The following DOCK4 variants were observed in gnomAD, a reference collection of about 807,000 sequenced individuals.
DOCK4 encodes dedicator of cytokinesis protein 4.
A neutral mutation model predicts 268.1 loss-of-function variants in DOCK4; 97 were observed. The observed-to-expected ratio is 0.36, with a 90% CI of 0.31 to 0.43. The LOEUF (loss-of-function observed/expected upper bound fraction) is 0.43. Among genes scored for constraint, DOCK4 ranks in the 20% least tolerant of loss-of-function variants. The pLI is 1.00. For synonymous variants in DOCK4, 954 were observed against 887.2 expected, an observed-to-expected ratio of 1.08 and a Z score of -1.34; for missense variants, 2,145 against 2,455.7, an observed-to-expected ratio of 0.87 and a Z score of 2.67.
At position 111,871,976 on chromosome 7, in the gene DOCK4, A is replaced by C. The variant is rs10224326; in HGVS notation, c.2027+14T>G. 1 of 1,533,638 alleles carries C rather than the reference A, an allele frequency of 6.5e-7. No homozygotes were observed. Reference sequence around the variant, plus strand: ...GAACCACTTCTAAACTAATTACAAGATACAGGGCCTTACCTGTATGCAAGT... The same window carrying C: ...GAACCACTTCTAAACTAATTACAAGCTACAGGGCCTTACCTGTATGCAAGT... On this transcript the variant is annotated intron_variant, in intron 20 of 52. Transcript: ENST00000428084.
At chr7:111,881,853 C>T (rs1807418806) in intron 16 of DOCK4, among the ~76,000 whole-genome samples, 1 of 152,112 alleles carries the variant, frequency 6.6e-6, no homozygotes, top group African/African-American at 2.4e-5. Flanking sequence ...CATGTTCTCA[C>T]TTTTTTTGTG....
chr7:111,816,091 A>AT (rs1801531901), intron 27 of DOCK4, among the ~76,000 whole-genome samples: 1 of 152,104 alleles, frequency 6.6e-6, no homozygotes, highest in South Asian at 2.1e-4. Flanking sequence ...TCCAGTTGCC[A>AT]CCTCATTTTG....
At chr7:111,833,741 AC>A (rs1306844199) in intron 26 of DOCK4, among the ~76,000 whole-genome samples, 4 of 152,046 alleles carry the variant, frequency 2.6e-5, no homozygotes, top group Admixed American at 2.0e-4. Context: ...AAGATAAGTG[AC>A]CCCTATGTAC....
chr7:112,052,238 T>C (rs901615308), intron 1 of DOCK4, among the ~76,000 whole-genome samples: 12 of 152,220 alleles, frequency 7.9e-5, no homozygotes, highest in Non-Finnish European at 1.3e-4. Flanking sequence ...ATTGAATCCA[T>C]GAATGTGGAA....
Position 111,727,996 on chromosome 7 carries a change from A to AG in DOCK4, c.*277dup. 1 of 348,838 alleles carries AG rather than the reference A, an allele frequency of 2.9e-6. No individual in the cohort carries two copies. Among genetic ancestry groups the AG allele is most frequent in the Non-Finnish European group, 5.1e-6 (1 of 195,916 alleles). The allele number at this position is 348,838 out of a possible 1,614,324, so 21.6% of individuals were successfully genotyped here. A position where few individuals can be genotyped will look rare whatever the true frequency, so the allele number is the denominator to read the frequency against. On this transcript the variant is annotated 3_prime_UTR_variant, in exon 53 of 53. Coordinates refer to ENST00000428084, the MANE Select transcript of DOCK4 (RefSeq NM_001363540.2). ...TTTAAGATTAAACTATATAAAAAAAAGTGAACATAAAAAGGTACAAAAGGA... is the reference window on the plus strand; with the variant it reads ...TTTAAGATTAAACTATATAAAAAAAAGGTGAACATAAAAAGGTACAAAAGGA...
At chr7:111,993,117 G>GT (rs1002569676) in intron 5 of DOCK4, among the ~76,000 whole-genome samples, 1 of 152,080 alleles carries the variant, frequency 6.6e-6, no homozygotes, top group Non-Finnish European at 1.5e-5. Context: ...ACATCAAAGG[G>GT]TTTTCACTAG....
At chr7:111,743,281 T>C (rs77340685) in intron 44 of DOCK4, among the ~76,000 whole-genome samples, 7,311 of 152,090 alleles carry the variant, frequency 0.048, 225 homozygotes, top group African/African-American at 0.066. Context: ...CACCACAAGG[T>C]TTTGTTGTTA....
intron 15 of DOCK4, among the ~76,000 whole-genome samples, chr7:111,899,498 A>G (rs1790950815): frequency 6.6e-6 from 1 of 152,128 alleles, no homozygotes; most frequent in Admixed American, 6.6e-5. Context: ...TGGGGGAGAG[A>G]GATGGGGCTT....
In DOCK4 at chr7:111,736,931, G is replaced by C. The variant is rs1795537652; in HGVS notation, c.5291C>G (p.Ser1764Cys). 6.2e-7 allele frequency: 1 copy of C among 1,602,784 alleles called. No individual in the cohort carries two copies. The highest frequency in any genetic ancestry group is 8.5e-7 in the Non-Finnish European group (1 of 1,174,480). The change falls in exon 50 of 53, where the codon TCT becomes TGT. Residue 1764 changes from serine (S) to cysteine (C), a missense_variant. Transcript: ENST00000428084. ...GALPRSDPNLSAPEKAVNPTP... is the reference protein window; with the variant it reads ...GALPRSDPNLCAPEKAVNPTP... ...GCTGGCCTTACCTTTTTCAGGTGCA[G>C]AGAGATTTGGGTCACTGCGTGGCAA...
intron 23 of DOCK4, among the ~76,000 whole-genome samples, chr7:111,859,231 G>C (rs1057138451): frequency 8.5e-5 from 13 of 152,120 alleles, no homozygotes; most frequent in Non-Finnish European, 1.9e-4. Flanking sequence ...CTTAATTTCA[G>C]CCCATTGAGA....
chr7:111,896,351 T>C (rs964970798), intron 15 of DOCK4, among the ~76,000 whole-genome samples: 1 of 152,198 alleles, frequency 6.6e-6, no homozygotes, highest in African/African-American at 2.4e-5. Context: ...GGTTTTCAGA[T>C]GCCTAATTAA....
chr7:111,990,250 C>A (rs1799416690), intron 5 of DOCK4, among the ~76,000 whole-genome samples: 1 of 152,180 alleles, frequency 6.6e-6, no homozygotes, highest in Admixed American at 6.5e-5. Context: ...TCTACAAATA[C>A]TGTTTCTTCC....
intron 16 of DOCK4, among the ~76,000 whole-genome samples, chr7:111,881,951 G>A (rs1807428307): frequency 6.6e-6 from 1 of 152,202 alleles, no homozygotes; most frequent in South Asian, 2.1e-4. Flanking sequence ...GGAGATGACA[G>A]GGAGGTGGGG....
chr7:112,065,925 G>GA (rs993347065), intron 1 of DOCK4, among the ~76,000 whole-genome samples: 2 of 152,036 alleles, frequency 1.3e-5, no homozygotes, highest in African/African-American at 4.8e-5. Flanking sequence ...AAACATAAGG[G>GA]AGGGCCATGG....
intron 1 of DOCK4, among the ~76,000 whole-genome samples, chr7:112,036,466 T>C (rs940145123): frequency 6.6e-6 from 1 of 152,098 alleles, no homozygotes; most frequent in African/African-American, 2.4e-5. Flanking sequence ...AAAGCACAAG[T>C]GTGTTAATCT....
chr7:111,821,349 G>A (rs1191256704), intron 27 of DOCK4: 1 of 152,240 alleles, frequency 6.6e-6, no homozygotes, highest in Non-Finnish European at 1.5e-5. Flanking sequence ...AGAGGAAGAA[G>A]GGGAAGCAGG....
At chr7:112,026,862 C>T (rs1466328886) in intron 1 of DOCK4, among the ~76,000 whole-genome samples, 1 of 152,170 alleles carries the variant, frequency 6.6e-6, no homozygotes, top group Non-Finnish European at 1.5e-5. Context: ...CCGGTCATCT[C>T]ACTTCAAGGG....
intron 8 of DOCK4, among the ~76,000 whole-genome samples, chr7:111,962,368 T>C (rs971433316): frequency 6.6e-5 from 10 of 152,322 alleles, no homozygotes; most frequent in Non-Finnish European, 1.0e-4. Flanking sequence ...AGTATTACAC[T>C]AAATTTAATC....
At chr7:111,840,318 G>A (rs569095397) in intron 25 of DOCK4, among the ~76,000 whole-genome samples, 16 of 152,284 alleles carry the variant, frequency 1.1e-4, no homozygotes, top group African/African-American at 3.4e-4. Context: ...CAGAGTAGCT[G>A]TCTTAGACCT....
Sources: allele counts gnomAD v4.1 joint callset (sites outside exome capture counted in the v4.1 genomes callset), GRCh38; gene constraint gnomAD v4.1.1; transcripts MANE v1.5; gene names NCBI Gene and HGNC (gene_info 2026-07-23, HGNC 2026-07-21).